Variants in HTR4 observed in about 807,000 individuals in gnomAD.
HTR4 encodes 5-hydroxytryptamine (serotonin) receptor 4, G protein-coupled.
Under a neutral mutation model 36.8 loss-of-function variants are expected in HTR4, and 16 were observed. That is an observed-to-expected ratio of 0.43 (90% CI 0.29 to 0.66). The LOEUF (loss-of-function observed/expected upper bound fraction) is 0.66. HTR4 is among the 30% of genes least tolerant of loss of function. The pLI, the probability that HTR4 is intolerant of heterozygous loss-of-function variation, is 0.13. For synonymous variants in HTR4, 189 were observed against 185.1 expected (o/e 1.02, Z -0.17); for missense variants, 438 against 490.9 (o/e 0.89, Z 1.02).
At chr5:148,641,351 G>T (rs1030983906) in intron 1 of HTR4, among the ~76,000 whole-genome samples, 1 of 152,208 alleles carries the variant, frequency 6.6e-6, no homozygotes, top group East Asian at 1.9e-4. Context: ...TGACAGTCAC[G>T]CTGTACTCTA....
intron 6 of HTR4, chr5:148,484,437 C>A (rs148767578): frequency 1.3e-6 from 2 of 1,519,970 alleles, no homozygotes; most frequent in African/African-American, 2.7e-5. Flanking sequence ...ATCTTACTTA[C>A]ACAAGCTATG....
chr5:148,526,143 C>A (rs1758265423), intron 4 of HTR4, among the ~76,000 whole-genome samples: 1 of 152,194 alleles, frequency 6.6e-6, no homozygotes, highest in African/African-American at 2.4e-5. Flanking sequence ...AGTGAGACAA[C>A]AAGTGTGTAT....
At chr5:148,608,531 G>C (rs1752276483) in intron 2 of HTR4, among the ~76,000 whole-genome samples, 2 of 152,114 alleles carry the variant, frequency 1.3e-5, no homozygotes. Flanking sequence ...AGTAGAAAGT[G>C]GTATGATACA....
intron 4 of HTR4, among the ~76,000 whole-genome samples, chr5:148,527,300 G>A (rs534122424): frequency 6.6e-6 from 1 of 152,330 alleles, no homozygotes; most frequent in South Asian, 2.1e-4. Context: ...AGAGGGTTAT[G>A]TTGGGAAAAT....
At chr5:148,583,707 C>T (rs1279992009) in intron 2 of HTR4, among the ~76,000 whole-genome samples, 1 of 152,046 alleles carries the variant, frequency 6.6e-6, no homozygotes, top group Non-Finnish European at 1.5e-5. Flanking sequence ...GTAGCACCTA[C>T]CACACACCCA....
chr5:148,588,647 TCTC>T (rs1216188554), intron 2 of HTR4, among the ~76,000 whole-genome samples: 5 of 149,504 alleles, frequency 3.3e-5, no homozygotes, highest in African/African-American at 1.2e-4. Context: ...TTCACGCCAT[TCTC>T]CTGCCTCAGC....
chr5:148,619,412 A>C (rs1752829585), intron 2 of HTR4, among the ~76,000 whole-genome samples: 2 of 152,178 alleles, frequency 1.3e-5, no homozygotes, highest in South Asian at 4.1e-4. Flanking sequence ...TTTTTTTCTG[A>C]CCAAGAAAGC....
chr5:148,568,974 A>G (rs1469152525), intron 2 of HTR4, among the ~76,000 whole-genome samples: 2 of 152,092 alleles, frequency 1.3e-5, no homozygotes, highest in Admixed American at 6.6e-5. Context: ...TGCAGGTGTT[A>G]AAAAGAATGA....
chr5:148,569,215 G>C (rs1760575384), intron 2 of HTR4, among the ~76,000 whole-genome samples: 1 of 151,830 alleles, frequency 6.6e-6, no homozygotes, highest in Admixed American at 6.6e-5. Context: ...TTTTTTCTCA[G>C]TACCTTTTGT....
intron 6 of HTR4, among the ~76,000 whole-genome samples, chr5:148,485,046 G>A (rs1400119352): frequency 6.6e-6 from 1 of 152,282 alleles, no homozygotes; most frequent in Admixed American, 6.5e-5. Flanking sequence ...GGAAAGGAAG[G>A]AAAGAAGGAA....
chr5:148,652,815 A>G (rs1315381289), intron 1 of HTR4, among the ~76,000 whole-genome samples: 1 of 152,170 alleles, frequency 6.6e-6, no homozygotes, highest in Non-Finnish European at 1.5e-5. Context: ...TAAGATGAGA[A>G]TGCAGGAGGA....
rs144934431 is a variant in HTR4 at position 148,650,336 on chromosome 5, G to A, written c.-48+3726C>T. ...TAAAAAAAAATAGTCAACCTTCTCA[G>A]ACGTGCCTTAGATTTGCAAGCATAT... On this transcript the variant is annotated intron_variant, in intron 1 of 6. Coordinates refer to ENST00000377888, the MANE Select transcript of HTR4 (RefSeq NM_000870.7). 2.9e-3 allele frequency among the ~76,000 whole-genome samples: 436 copies of A among 152,276 alleles called. 1 individual carries two copies. Among genetic ancestry groups the A allele is most frequent in the African/African-American group, 9.9e-3 (410 of 41,552 alleles).
chr5:148,591,805 G>A (rs563109072), intron 2 of HTR4, among the ~76,000 whole-genome samples: 1 of 152,266 alleles, frequency 6.6e-6, no homozygotes, highest in South Asian at 2.1e-4. Context: ...AATAACAGAT[G>A]CTGCAAGGTT....
intron 2 of HTR4, among the ~76,000 whole-genome samples, chr5:148,592,480 T>A (rs1032250724): frequency 1.7e-4 from 24 of 145,058 alleles, no homozygotes; most frequent in Admixed American, 1.5e-3. Flanking sequence ...AAGCCCCATG[T>A]CTTCTAGTCT....
intron 2 of HTR4, among the ~76,000 whole-genome samples, chr5:148,561,535 C>A (rs1760210524): frequency 6.6e-6 from 1 of 152,158 alleles, no homozygotes; most frequent in Non-Finnish European, 1.5e-5. Flanking sequence ...GGAACTGAGT[C>A]AACAGCTACA....
intron 5 of HTR4, among the ~76,000 whole-genome samples, chr5:148,466,528 T>C (rs1432014472): frequency 6.6e-6 from 1 of 152,100 alleles, no homozygotes; most frequent in Non-Finnish European, 1.5e-5. Context: ...CACAGTTAGA[T>C]ATGTCACTGA....
chr5:148,548,029 T>C (rs1326300881), intron 4 of HTR4, among the ~76,000 whole-genome samples: 1 of 152,124 alleles, frequency 6.6e-6, no homozygotes, highest in Non-Finnish European at 1.5e-5. Flanking sequence ...GATAAATACA[T>C]AAATCTGCAA....
At chr5:148,479,464 A>G (rs1400948112), downstream of HTR4, among the ~76,000 whole-genome samples, 2 of 152,328 alleles carry the variant, frequency 1.3e-5, no homozygotes, top group Non-Finnish European at 2.9e-5. Context: ...CCTTGAATAT[A>G]TAATTTATAT....
chr5:148,535,330 T>C (rs1758762643), intron 4 of HTR4, among the ~76,000 whole-genome samples: 3 of 152,118 alleles, frequency 2.0e-5, no homozygotes, highest in Admixed American at 1.3e-4. Flanking sequence ...CAGAGCATTG[T>C]TATGTTTCCA....
Sources: allele counts gnomAD v4.1 joint callset (sites outside exome capture counted in the v4.1 genomes callset), GRCh38; gene constraint gnomAD v4.1.1; transcripts MANE v1.5; gene names NCBI Gene and HGNC (gene_info 2026-07-23, HGNC 2026-07-21).